Variants in RNF17 observed in about 807,000 individuals in gnomAD.
RNF17 encodes spermatogenesis associated 23.
In RNF17, 31 loss-of-function variants were observed where a neutral mutation model predicts 200.5. The ratio of observed to expected loss-of-function variants is 0.15; its 90% confidence interval spans 0.12 to 0.21. RNF17 has a LOEUF of 0.21. Among genes scored for constraint, RNF17 ranks in the 10% least tolerant of loss-of-function variants. RNF17 has a pLI of 1.00. For synonymous variants in RNF17, 606 were observed against 637.8 expected (o/e 0.95, Z 0.75); for missense variants, 1,628 against 1,905.1 (o/e 0.85, Z 2.71).
chr13:24,867,020 ATTG>A (rs969965420), intron 30 of RNF17, among the ~76,000 whole-genome samples: 1 of 152,096 alleles, frequency 6.6e-6, no homozygotes, highest in African/African-American at 2.4e-5. Flanking sequence ...GGTGATTAGT[ATTG>A]TTGAGCATCT....
At chr13:24,874,038 G>A (rs1894592094) in intron 32 of RNF17, 76 bp from the exon 33 acceptor site, 1 of 1,467,490 alleles carries the variant, frequency 6.8e-7, no homozygotes, top group East Asian at 2.3e-5. Flanking sequence ...GTAGCCCTTT[G>A]ATATGCTGAT....
chr13:24,865,601 T>C (rs1339281129), intron 29 of RNF17, among the ~76,000 whole-genome samples: 1 of 152,194 alleles, frequency 6.6e-6, no homozygotes, highest in Non-Finnish European at 1.5e-5. Flanking sequence ...ATTTCTAGAG[T>C]TGCAGTCTAC....
At chr13:24,749,284 C>CTTT in the RNF17 span, among the ~76,000 whole-genome samples, 2 of 121,586 alleles carry the variant, frequency 1.6e-5, no homozygotes, top group African/African-American at 6.1e-5. Context: ...AACATTAGAA[C>CTTT]TTTCTTTTTT....
At position 24,877,054 on chromosome 13, in the gene RNF17, C is replaced by T. The variant is rs1221552302; in HGVS notation, c.4641C>T (p.Leu1547=). 6 of 1,613,108 alleles carry T rather than the reference C, an allele frequency of 3.7e-6. No individual in the cohort carries two copies. Among genetic ancestry groups the T allele is most frequent in the Non-Finnish European group, 4.2e-6 (5 of 1,179,758 alleles). Reference sequence around the variant, plus strand: ...ATCCAGCTCGAGCCATAAAGGTTCTCTTGGCAGGGTTTAAACCTCCCTTAA... The same window carrying T: ...ATCCAGCTCGAGCCATAAAGGTTCTTTTGGCAGGGTTTAAACCTCCCTTAA... ...MRYPARAIKV[L]LAGFKPPLRD... Residue 1547 remains leucine (L), a synonymous_variant, in exon 34 of 36, where the codon CTC becomes CTT. Coordinates refer to ENST00000255324, the MANE Select transcript of RNF17 (RefSeq NM_031277.3).
At position 24,879,238 on chromosome 13, in the gene RNF17, G is replaced by A. The variant is rs1449302570; in HGVS notation, c.4825G>A (p.Val1609Ile). 6.2e-7 allele frequency: 1 copy of A among 1,613,868 alleles called. No individual in the cohort carries two copies. Among genetic ancestry groups the A allele is most frequent in the Admixed American group, 1.7e-5 (1 of 60,006 alleles). ...VTLYDDEQHP[V>I]HMPLVEMGLA... ...ATTATATGACGATGAACAGCATCCA[G>A]TTCATATGCCGTTGGTAGAAATGGG... is the stretch of plus-strand genomic sequence containing the variant. Residue 1609 changes from valine to isoleucine, a missense_variant, in exon 35 of 36, where the codon GTT becomes ATT. Val to Ile is a conservative substitution (Grantham distance 29, BLOSUM62 3). This residue lies in a region of RNF17 where 609 missense variants were observed against 681.9 expected (regional missense o/e 0.89). Coordinates refer to ENST00000255324, the MANE Select transcript of RNF17 (RefSeq NM_031277.3).
chr13:24,879,307 TTC>T lies in RNF17; in HGVS notation c.*10+16_*10+17del. 1 of 1,494,514 alleles carries T rather than the reference TTC, an allele frequency of 6.7e-7. No individual in the cohort carries two copies. The highest frequency in any genetic ancestry group is 9.3e-7 in the Non-Finnish European group (1 of 1,071,444). The allele number at this position is 1,494,514 out of a possible 1,614,324, so 92.6% of individuals were successfully genotyped here. On this transcript the variant is annotated intron_variant, in intron 35 of 35. Coordinates refer to ENST00000255324, the MANE Select transcript of RNF17 (RefSeq NM_031277.3). ...ATAAGTGCCTAAGTGTAAGTTCTCA[TTC>T]TCTTCATAGCATAAGGCATGGGACT...
rs765754683 is a variant in RNF17, at chr13:24,774,879, A to G, written c.292A>G (p.Ile98Val). 13 of 1,609,534 alleles carry G rather than the reference A, an allele frequency of 8.1e-6. No homozygotes were observed. The highest frequency in any genetic ancestry group is 2.2e-5 in the East Asian group (1 of 44,796). The change falls in exon 3 of 36, where the codon ATA (isoleucine) becomes GTA (valine). Residue 98 changes from isoleucine (I) to valine (V), a missense_variant. By Grantham distance (29) the Ile-to-Val change is conservative. Transcript: ENST00000255324. Reference protein sequence around the residue: ...PMAGYIKEDSIMEKLQPKTIK... With the variant: ...PMAGYIKEDSVMEKLQPKTIK... ...GGCTGGATATATTAAGGAAGACTCC[A>G]TAATGGAAAAACTGCAGCCTAAGAC... is the stretch of plus-strand genomic sequence containing the variant.
At chr13:24,869,964 C>T (rs544334855) in intron 31 of RNF17, among the ~76,000 whole-genome samples, 3 of 107,970 alleles carry the variant, frequency 2.8e-5, no homozygotes, top group East Asian at 2.9e-4. Context: ...TTTTTTGAGA[C>T]GGAGTCTCGC....
intron 23 of RNF17, among the ~76,000 whole-genome samples, chr13:24,851,142 G>A (rs1891848144): frequency 6.6e-6 from 1 of 152,210 alleles, no homozygotes; most frequent in Admixed American, 6.5e-5. Context: ...CTACAGGCAT[G>A]CGCCACCACG....
downstream of RNF17, chr13:24,883,394 T>G (rs771837382): frequency 2.6e-6 from 4 of 1,522,422 alleles, no homozygotes; most frequent in Admixed American, 7.5e-5. Context: ...AAAAATATGA[T>G]TTCTTAAAAA....
Position 24,776,712 on chromosome 13 carries a change from T to C in RNF17, c.318-1583T>C, listed in dbSNP as rs1273648918. ...GGTGAGGTCGACTGAGTTTAAACAA[T>C]GAGTGGTGAGGTTTGCGGTAGATGA... On this transcript the variant is annotated intron_variant, in intron 3 of 35. Coordinates refer to ENST00000255324, the MANE Select transcript of RNF17 (RefSeq NM_031277.3). Among the ~76,000 whole-genome samples the C allele has an allele frequency of 2.6e-5, 4 of 152,210 alleles. No individual in the cohort carries two copies. The East Asian group carries it at 5.8e-4, about 22-fold the overall frequency.
chr13:24,764,155 G>A (rs372037129), upstream of RNF17: 71 of 1,530,186 alleles, frequency 4.6e-5, no homozygotes, highest in Non-Finnish European at 6.1e-5. Flanking sequence ...CTGCCGCGAG[G>A]GCCGCCGGGA....
the RNF17 span, among the ~76,000 whole-genome samples, chr13:24,749,307 C>CTTTTTTTTTTTTTTTTTTTTTT: frequency 3.7e-5 from 4 of 108,032 alleles, no homozygotes; most frequent in Admixed American, 1.2e-4. Flanking sequence ...TTCTTTCTTT[C>CTTTTTTTTTTTTTTTTTTTTTT]TTTTTTTTTT....
Position 24,840,590 on chromosome 13 carries a change from C to T in RNF17, c.2483-1451C>T, listed in dbSNP as rs188529920. ...CACAGCCATAAAAGGAATGAATTAA[C>T]AGCATTTGCAGTGACTTGGATGAGA... On this transcript the variant is annotated intron_variant, in intron 18 of 35. Transcript: ENST00000255324. Among the ~76,000 whole-genome samples, 12 of 152,240 alleles carry T rather than the reference C, an allele frequency of 7.9e-5. No individual in the cohort carries two copies. In the East Asian group the frequency reaches 2.3e-3, roughly 29 times the overall value.
At chr13:24,814,470 T>A (rs79360259) in intron 15 of RNF17, among the ~76,000 whole-genome samples, 1 of 152,246 alleles carries the variant, frequency 6.6e-6, no homozygotes, top group African/African-American at 2.4e-5. Flanking sequence ...TCTGACATCA[T>A]GATGCTTCTT....
intron 2 of RNF17, among the ~76,000 whole-genome samples, chr13:24,767,574 C>T (rs1241618451): frequency 1.3e-5 from 2 of 151,908 alleles, no homozygotes; most frequent in East Asian, 3.9e-4. Flanking sequence ...ATGGGGAAAC[C>T]CCGTCTCTAC....
chr13:24,821,759 TG>T (rs1888082314), intron 15 of RNF17, among the ~76,000 whole-genome samples: 1 of 152,344 alleles, frequency 6.6e-6, no homozygotes, highest in East Asian at 1.9e-4. Flanking sequence ...TTTAGTTCTT[TG>T]TTTTCCCTTA....
At chr13:24,847,035 T>TTA (rs1891331269) in intron 22 of RNF17, among the ~76,000 whole-genome samples, 1 of 151,976 alleles carries the variant, frequency 6.6e-6, no homozygotes, top group African/African-American at 2.4e-5. Context: ...TTTTTTTTTT[T>TTA]AAGAAATAAA....
At chr13:24,870,515 C>T (rs572909409) in intron 31 of RNF17, 56 bp from the exon 32 acceptor site, 86 of 1,504,352 alleles carry the variant, frequency 5.7e-5, no homozygotes, top group Admixed American at 8.7e-5. Flanking sequence ...TGTCCACATA[C>T]GTGAATTCTT....
Sources: allele counts gnomAD v4.1 joint callset (sites outside exome capture counted in the v4.1 genomes callset), GRCh38; gene constraint gnomAD v4.1.1; regional missense constraint gnomAD v4.1.1; transcripts MANE v1.5; gene names NCBI Gene and HGNC (gene_info 2026-07-23, HGNC 2026-07-21).